The following NCAM2 variants were observed in gnomAD, a reference collection of about 807,000 sequenced individuals.
NCAM2 encodes the protein N-CAM-2.
A neutral mutation model predicts 98.1 loss-of-function variants in NCAM2; 30 were observed. The ratio of observed to expected loss-of-function variants is 0.31; its 90% confidence interval spans 0.23 to 0.41. The LOEUF (loss-of-function observed/expected upper bound fraction) is 0.41. NCAM2 is among the 10% of genes least tolerant of loss of function. The pLI, the probability that NCAM2 is intolerant of heterozygous loss-of-function variation, is 1.00. For synonymous variants in NCAM2, 368 were observed against 342.4 expected (o/e 1.07, Z -0.83); for missense variants, 867 against 1,005.8 (o/e 0.86, Z 1.87).
At chr21:21,463,231 A>G (rs1289789622) in intron 12 of NCAM2, among the ~76,000 whole-genome samples, 1 of 152,088 alleles carries the variant, frequency 6.6e-6, no homozygotes, top group East Asian at 1.9e-4. Context: ...CCTCTCATTT[A>G]AGAAAGGCAA....
At chr21:21,199,683 A>G (rs2069135959) in intron 1 of NCAM2, among the ~76,000 whole-genome samples, 2 of 152,252 alleles carry the variant, frequency 1.3e-5, no homozygotes, top group Non-Finnish European at 2.9e-5. Flanking sequence ...ATTAATATCT[A>G]CGTAAGAAAT....
intron 15 of NCAM2, among the ~76,000 whole-genome samples, chr21:21,496,107 G>A (rs1057089515): frequency 2.6e-5 from 4 of 151,324 alleles, no homozygotes; most frequent in African/African-American, 7.3e-5. Flanking sequence ...TGGGTGGAAT[G>A]ATTTATATCT....
chr21:21,135,069 A>T (rs2067016297), intron 1 of NCAM2, among the ~76,000 whole-genome samples: 2 of 99,932 alleles, frequency 2.0e-5, no homozygotes, highest in South Asian at 6.4e-4. Flanking sequence ...CCCCGTCTCT[A>T]CTAAAAATAC....
chr21:21,339,093 G>A (rs1289423440), intron 8 of NCAM2, among the ~76,000 whole-genome samples: 1 of 152,142 alleles, frequency 6.6e-6, no homozygotes, highest in African/African-American at 2.4e-5. Flanking sequence ...TACTTAGACA[G>A]GTGTCAACAA....
chr21:21,065,427 GACAAAA>G (rs1568985012), intron 1 of NCAM2, among the ~76,000 whole-genome samples: 1 of 151,860 alleles, frequency 6.6e-6, no homozygotes, highest in Non-Finnish European at 1.5e-5. Flanking sequence ...CTAATACAAC[GACAAAA>G]ACAAAAACAA....
intron 1 of NCAM2, among the ~76,000 whole-genome samples, chr21:21,198,885 A>G (rs2069107076): frequency 6.6e-6 from 1 of 152,140 alleles, no homozygotes; most frequent in Admixed American, 6.5e-5. Flanking sequence ...TCAGAGATCA[A>G]ATAAAAGGAT....
intron 1 of NCAM2, among the ~76,000 whole-genome samples, chr21:21,196,831 G>A (rs774664054): frequency 1.4e-4 from 22 of 152,226 alleles, no homozygotes; most frequent in Non-Finnish European, 1.0e-4. Flanking sequence ...CCTGGTGGCA[G>A]GTGATTGGAT....
intron 12 of NCAM2, among the ~76,000 whole-genome samples, chr21:21,454,012 G>T (rs1304218233): frequency 6.6e-6 from 1 of 151,994 alleles, no homozygotes; most frequent in Non-Finnish European, 1.5e-5. Flanking sequence ...GGTAAGTTAT[G>T]ATTTACCATG....
chr21:21,138,285 C>T (rs1252374040), intron 1 of NCAM2, among the ~76,000 whole-genome samples: 4 of 152,186 alleles, frequency 2.6e-5, no homozygotes, highest in African/African-American at 9.6e-5. Flanking sequence ...CTCTCCAGTT[C>T]ATTCTGCAAA....
intron 12 of NCAM2, among the ~76,000 whole-genome samples, chr21:21,458,488 A>G (rs1261641877): frequency 1.3e-5 from 2 of 152,168 alleles, no homozygotes; most frequent in Non-Finnish European, 2.9e-5. Context: ...AGTGGAGCAA[A>G]TCAATGGGAG....
At chr21:21,325,191 G>T (rs1391158859) in intron 6 of NCAM2, among the ~76,000 whole-genome samples, 1 of 152,070 alleles carries the variant, frequency 6.6e-6, no homozygotes, top group East Asian at 1.9e-4. Flanking sequence ...AGTAATGCAG[G>T]TTGCTACAGA....
intron 1 of NCAM2, among the ~76,000 whole-genome samples, chr21:21,046,278 T>A (rs2065006337): frequency 6.6e-6 from 1 of 152,158 alleles, no homozygotes; most frequent in Non-Finnish European, 1.5e-5. Flanking sequence ...AAAGTTTATC[T>A]CAGTGTCATG....
intron 1 of NCAM2, among the ~76,000 whole-genome samples, chr21:21,046,212 G>A (rs967344821): frequency 1.3e-5 from 2 of 152,126 alleles, no homozygotes; most frequent in Non-Finnish European, 2.9e-5. Context: ...TATTCAGCAG[G>A]ACACTGTGAA....
At chr21:21,414,586 C>T (rs1258401563) in intron 10 of NCAM2, among the ~76,000 whole-genome samples, 1 of 151,678 alleles carries the variant, frequency 6.6e-6, no homozygotes, top group Non-Finnish European at 1.5e-5. Context: ...TCTCCTGCCT[C>T]ACCCTCCCGA....
intron 1 of NCAM2, among the ~76,000 whole-genome samples, chr21:21,211,790 A>G (rs1251284603): frequency 1.3e-5 from 2 of 151,982 alleles, no homozygotes; most frequent in Admixed American, 6.6e-5. Flanking sequence ...CTTATCTCCT[A>G]TGGTAGAAAT....
intron 15 of NCAM2, among the ~76,000 whole-genome samples, chr21:21,477,776 G>A (rs117398012): frequency 0.026 from 3,923 of 152,240 alleles, 71 homozygotes; most frequent in Admixed American, 0.053. Context: ...GAGGCCATAC[G>A]AAAGCTTTGC....
At chr21:21,527,650 A>T (rs917623182) in intron 16 of NCAM2, among the ~76,000 whole-genome samples, 1 of 152,174 alleles carries the variant, frequency 6.6e-6, no homozygotes, top group East Asian at 1.9e-4. Context: ...AAAATGAGCT[A>T]CTGTACCACT....
At chr21:21,005,877 T>C (rs1248762149) in intron 1 of NCAM2, among the ~76,000 whole-genome samples, 2 of 151,940 alleles carry the variant, frequency 1.3e-5, no homozygotes. Flanking sequence ...AATTTTAACA[T>C]TTTTCTATTA....
At chr21:21,519,477 G>A (rs1349801934) in intron 16 of NCAM2, among the ~76,000 whole-genome samples, 1 of 152,098 alleles carries the variant, frequency 6.6e-6, no homozygotes, top group African/African-American at 2.4e-5. Flanking sequence ...TAGGGAAAGA[G>A]AGAAATCAAA....
Sources: gnomAD v4.1 joint callset for allele counts (sites outside exome capture counted in the v4.1 genomes callset) on GRCh38, gnomAD v4.1.1 for gene constraint, MANE v1.5 for transcripts, NCBI Gene and HGNC (gene_info 2026-07-23, HGNC 2026-07-21) for gene names.